Variants in IGSF11 observed in about 807,000 individuals in gnomAD.
IGSF11 encodes CXADR like 1.
A neutral mutation model predicts 41.0 loss-of-function variants in IGSF11; 22 were observed. The ratio of observed to expected loss-of-function variants is 0.54; its 90% CI spans 0.38 to 0.77. The LOEUF is 0.77. IGSF11 is among the 30% of genes least tolerant of loss of function. The pLI, the probability that IGSF11 is intolerant of heterozygous loss-of-function variation, is 0.00. For synonymous variants in IGSF11, 219 were observed against 201.3 expected (o/e 1.09, Z -0.74); for missense variants, 444 against 530.8 (o/e 0.84, Z 1.61).
At chr3:119,116,708 A>G (rs2077260355) in intron 1 of IGSF11, among the ~76,000 whole-genome samples, 1 of 152,204 alleles carries the variant, frequency 6.6e-6, no homozygotes, top group African/African-American at 2.4e-5. Context: ...AGGTGCAGAC[A>G]TTATTCCAGA....
chr3:119,086,240 A>T (rs2076670650), intron 1 of IGSF11, among the ~76,000 whole-genome samples: 1 of 152,234 alleles, frequency 6.6e-6, no homozygotes, highest in African/African-American at 2.4e-5. Flanking sequence ...GGGATTATGT[A>T]AAGAGACCAA....
At chr3:119,045,722 C>T (rs1941318101) in intron 1 of IGSF11, among the ~76,000 whole-genome samples, 1 of 152,044 alleles carries the variant, frequency 6.6e-6, no homozygotes, top group Admixed American at 6.5e-5. Flanking sequence ...CAGCAGTAAC[C>T]TCTGCACACT....
intron 1 of IGSF11, among the ~76,000 whole-genome samples, chr3:119,130,866 G>T (rs2077472499): frequency 6.6e-6 from 1 of 151,748 alleles, no homozygotes; most frequent in Non-Finnish European, 1.5e-5. Flanking sequence ...TTGCTGTTCT[G>T]CAATATTTGC....
rs751584886 is a variant in IGSF11, at chr3:119,034,591, C to T, written c.-9G>A. Reference sequence around the variant, plus strand: ...GAACGCTGAGAAGTCATCCCGGGGCCGCAGGGAGCGCGCCTGCCTCCTACC... The same window carrying T: ...GAACGCTGAGAAGTCATCCCGGGGCTGCAGGGAGCGCGCCTGCCTCCTACC... On this transcript the variant is annotated 5_prime_UTR_variant, in exon 1 of 7. Transcript: ENST00000393775. 6 of 1,585,200 alleles carry T rather than the reference C, an allele frequency of 3.8e-6. No individual in the cohort carries two copies. The highest frequency in any genetic ancestry group is 5.1e-6 in the Non-Finnish European group (6 of 1,167,352).
chr3:118,985,380 T>C (rs1935149729), intron 1 of IGSF11, among the ~76,000 whole-genome samples: 1 of 152,188 alleles, frequency 6.6e-6, no homozygotes, highest in African/African-American at 2.4e-5. Context: ...TCTGTCTCTG[T>C]CACAATGCAA....
At chr3:119,013,868 G>A (rs1938400323) in intron 1 of IGSF11, among the ~76,000 whole-genome samples, 1 of 152,114 alleles carries the variant, frequency 6.6e-6, no homozygotes, top group Non-Finnish European at 1.5e-5. Context: ...CCAGTCTGAA[G>A]GAATCTTGAG....
intron 1 of IGSF11, among the ~76,000 whole-genome samples, chr3:118,939,619 G>T (rs1943530667): frequency 1.3e-5 from 2 of 151,260 alleles, no homozygotes; most frequent in Non-Finnish European, 2.9e-5. Flanking sequence ...GGTCAAAGAA[G>T]AAATCACAAG....
chr3:119,104,468 C>A (rs1248226392), intron 1 of IGSF11, among the ~76,000 whole-genome samples: 4 of 152,146 alleles, frequency 2.6e-5, no homozygotes, highest in African/African-American at 4.8e-5. Flanking sequence ...TCTTAATAAC[C>A]CTTCAGCTCT....
chr3:118,993,956 T>G (rs1247668941), intron 1 of IGSF11, among the ~76,000 whole-genome samples: 1 of 152,212 alleles, frequency 6.6e-6, no homozygotes, highest in Non-Finnish European at 1.5e-5. Context: ...GCTGCATAAA[T>G]TTTTTAAACA....
intron 1 of IGSF11, among the ~76,000 whole-genome samples, chr3:119,026,282 T>C (rs1160423884): frequency 6.6e-6 from 1 of 152,206 alleles, no homozygotes; most frequent in Non-Finnish European, 1.5e-5. Flanking sequence ...CCACCCCATA[T>C]AGCACAGATT....
At chr3:119,028,972 G>A (rs1382418059) in intron 1 of IGSF11, among the ~76,000 whole-genome samples, 1 of 151,886 alleles carries the variant, frequency 6.6e-6, no homozygotes, top group Non-Finnish European at 1.5e-5. Flanking sequence ...TGAAGGGTGT[G>A]CATGGGACCA....
intron 1 of IGSF11, among the ~76,000 whole-genome samples, chr3:119,045,285 G>C (rs1040553334): frequency 2.6e-5 from 4 of 152,186 alleles, no homozygotes; most frequent in East Asian, 1.9e-4. Context: ...CAGTGGGTGC[G>C]TGCACCGTGC....
chr3:118,977,840 A>T (rs1485661640), intron 1 of IGSF11, among the ~76,000 whole-genome samples: 3 of 152,198 alleles, frequency 2.0e-5, no homozygotes, highest in Non-Finnish European at 2.9e-5. Flanking sequence ...AAGCAGCTGC[A>T]GCACAGTGCC....
At chr3:118,958,306 C>A (rs1416149646) in intron 1 of IGSF11, among the ~76,000 whole-genome samples, 2 of 152,164 alleles carry the variant, frequency 1.3e-5, no homozygotes, top group East Asian at 3.8e-4. Flanking sequence ...CAAATGTTGG[C>A]AATAAACTAG....
chr3:119,122,075 C>A (rs1025201249), intron 1 of IGSF11, among the ~76,000 whole-genome samples: 1 of 152,176 alleles, frequency 6.6e-6, no homozygotes, highest in African/African-American at 2.4e-5. Flanking sequence ...CAAAAAAGTA[C>A]ATTCATAAAA....
chr3:119,071,038 C>T (rs1290015101), intron 1 of IGSF11, among the ~76,000 whole-genome samples: 1 of 152,156 alleles, frequency 6.6e-6, no homozygotes, highest in Non-Finnish European at 1.5e-5. Context: ...GGGAGAAATG[C>T]TTCTCCCTGG....
chr3:118,970,244 G>A (rs535943681), intron 1 of IGSF11, among the ~76,000 whole-genome samples: 2 of 152,290 alleles, frequency 1.3e-5, no homozygotes, highest in African/African-American at 4.8e-5. Flanking sequence ...TAAGAGATAT[G>A]CTACGTTTGT....
intron 4 of IGSF11, among the ~76,000 whole-genome samples, chr3:118,906,356 G>C (rs1185612296): frequency 1.3e-5 from 2 of 152,042 alleles, no homozygotes; most frequent in African/African-American, 4.8e-5. Context: ...GGGAAGCAAG[G>C]AAGATTGGGT....
At chr3:118,989,257 G>A (rs1216625255) in intron 1 of IGSF11, among the ~76,000 whole-genome samples, 1 of 152,170 alleles carries the variant, frequency 6.6e-6, no homozygotes, top group African/African-American at 2.4e-5. Flanking sequence ...CCAAAATGTG[G>A]CCCTGGACCA....
Sources: gnomAD v4.1 joint callset for allele counts (sites outside exome capture counted in the v4.1 genomes callset) on GRCh38, gnomAD v4.1.1 for gene constraint, MANE v1.5 for transcripts, NCBI Gene and HGNC (gene_info 2026-07-23, HGNC 2026-07-21) for gene names.